SLC2A2: variants seen among roughly 807,000 people sequenced by gnomAD.
SLC2A2 encodes solute carrier family 2, facilitated glucose transporter member 2.
Under a neutral mutation model 54.5 loss-of-function variants are expected in SLC2A2, and 36 were observed. The ratio of observed to expected loss-of-function variants is 0.66; its 90% CI spans 0.51 to 0.87. SLC2A2 has a LOEUF of 0.87. Among genes scored for constraint, SLC2A2 ranks in the 40% least tolerant of loss-of-function variants. SLC2A2 has a pLI of 0.00. For missense variants in SLC2A2, 543 were observed against 624.3 expected, an observed-to-expected ratio of 0.87 and a Z score of 1.39; for synonymous variants, 223 against 219.1, an observed-to-expected ratio of 1.02 and a Z score of -0.16.
At position 171,005,282 on chromosome 3, in the gene SLC2A2, T is replaced by C; in HGVS notation, c.963+3A>G. 6.2e-7 allele frequency: 1 copy of C among 1,612,416 alleles called. No homozygotes were observed. Among genetic ancestry groups the C allele is most frequent in the Non-Finnish European group, 8.5e-7 (1 of 1,178,784 alleles). On this transcript the variant is annotated splice_donor_region_variant and intron_variant, in intron 7 of 10. Transcript: ENST00000314251. ...AAGAGTTAGTGGGTGTTCTTAAACT[T>C]ACGCCATTGATTCCGGAAAATTGCT... is the stretch of plus-strand genomic sequence containing the variant.
intron 1 of SLC2A2, among the ~76,000 whole-genome samples, chr3:171,024,898 C>G (rs1041932132): frequency 6.6e-6 from 1 of 152,004 alleles, no homozygotes; most frequent in African/African-American, 2.4e-5. Context: ...TAGGCAGTTC[C>G]TTGGTTATCA....
intron 3 of SLC2A2, among the ~76,000 whole-genome samples, chr3:171,012,282 C>G (rs956645094): frequency 1.3e-5 from 2 of 152,170 alleles, no homozygotes; most frequent in Non-Finnish European, 2.9e-5. Context: ...AGGAAAACGT[C>G]TTAGAGAACC....
chr3:171,018,468 A>T, intron 2 of SLC2A2, 63 bp downstream of exon 2: 1 of 1,119,490 alleles, frequency 8.9e-7, no homozygotes, highest in Non-Finnish European at 1.4e-6. Context: ...GTGTATGAGG[A>T]ACATATGATA....
intron 4 of SLC2A2, 76 bp from the exon 5 acceptor site, chr3:171,007,339 T>C (rs1334664573): frequency 1.2e-6 from 1 of 858,424 alleles, no homozygotes; most frequent in Non-Finnish European, 2.0e-6. Context: ...TTAAGTACAG[T>C]ATATATCTTG....
At chr3:171,012,434 C>T (rs900719640) in intron 3 of SLC2A2, among the ~76,000 whole-genome samples, 2 of 152,116 alleles carry the variant, frequency 1.3e-5, no homozygotes, top group Admixed American at 1.3e-4. Context: ...AGCTATGCAT[C>T]GCTTCCTTTA....
chr3:171,009,473 A>G (rs1385842608), intron 4 of SLC2A2, among the ~76,000 whole-genome samples: 7 of 151,984 alleles, frequency 4.6e-5, no homozygotes, highest in Admixed American at 4.6e-4. Context: ...AGATGGAGAC[A>G]TGGCAGCCAG....
intron 4 of SLC2A2, among the ~76,000 whole-genome samples, chr3:171,008,630 A>G (rs934032171): frequency 6.6e-6 from 1 of 152,074 alleles, no homozygotes; most frequent in Non-Finnish European, 1.5e-5. Flanking sequence ...TACCAAAAAC[A>G]TTTTGTATAT....
chr3:171,009,911 A>AGG lies in SLC2A2; in HGVS notation c.496+45_496+46dup, dbSNP rs774985551. ...TTTAGAGTTACTTTCAGACAAAGGT[A>AGG]GGTGTGTGTGTGTGTGTGTGTGTGT... On this transcript the variant is annotated intron_variant, in intron 4 of 10. Coordinates refer to ENST00000314251, the MANE Select transcript of SLC2A2 (RefSeq NM_000340.2). 1.4e-3 allele frequency: 1,829 copies of AGG among 1,274,508 alleles called. 19 individuals carry two copies. The African/African-American group carries it at 0.025, about 17-fold the overall frequency. 78.9% of individuals were successfully genotyped at this position (1,274,508 alleles called of 1,614,324 possible). A position where few individuals can be genotyped will look rare whatever the true frequency, so the allele number is the denominator to read the frequency against.
At chr3:171,010,770 T>C (rs1047423591) in intron 3 of SLC2A2, among the ~76,000 whole-genome samples, 1 of 152,140 alleles carries the variant, frequency 6.6e-6, no homozygotes, top group African/African-American at 2.4e-5. Context: ...TTCCAAAATC[T>C]ATAAATTATT....
In SLC2A2 at chr3:171,026,643, A is replaced by G; in HGVS notation, c.15+13T>C. ...TGAAAACCAGACTTGAAATGAATAT[A>G]ATGCTGCTTTACCTTATCTTCTGTC... On this transcript the variant is annotated intron_variant, in intron 1 of 10. Transcript: ENST00000314251. 1 of 1,611,232 alleles carries G rather than the reference A, an allele frequency of 6.2e-7. No individual in the cohort carries two copies. Among genetic ancestry groups the G allele is most frequent in the Non-Finnish European group, 8.5e-7 (1 of 1,177,326 alleles).
chr3:171,017,588 C>T (rs553960962), intron 2 of SLC2A2, among the ~76,000 whole-genome samples: 4 of 152,308 alleles, frequency 2.6e-5, no homozygotes, highest in African/African-American at 9.6e-5. Context: ...CCACCTCTTC[C>T]CCAGGTTCCT....
chr3:171,007,646 CA>C (rs1185967491), intron 4 of SLC2A2, among the ~76,000 whole-genome samples: 1 of 151,980 alleles, frequency 6.6e-6, no homozygotes, highest in African/African-American at 2.4e-5. Context: ...GAAATCAGAA[CA>C]TATCTCCACC....
chr3:171,002,475 A>C (rs1450592808), intron 8 of SLC2A2, 101 bp downstream of exon 8: 1 of 763,006 alleles, frequency 1.3e-6, no homozygotes, highest in African/African-American at 1.7e-5. Context: ...GAGCATGTGT[A>C]CAATAAGTCA....
At chr3:171,019,054 GAT>G (rs1338362719) in intron 1 of SLC2A2, among the ~76,000 whole-genome samples, 3 of 129,894 alleles carry the variant, frequency 2.3e-5, no homozygotes, top group African/African-American at 5.5e-5. Context: ...TATATTTGTT[GAT>G]ATGTGTGTGT....
intron 3 of SLC2A2, among the ~76,000 whole-genome samples, chr3:171,013,254 C>T (rs1012767965): frequency 6.6e-6 from 1 of 151,972 alleles, no homozygotes; most frequent in Non-Finnish European, 1.5e-5. Flanking sequence ...GAGAATTCTC[C>T]ATTTACTACT....
chr3:171,005,549 C>T (rs1342805655), intron 6 of SLC2A2, 77 bp from the exon 7 acceptor site: 1 of 1,205,050 alleles, frequency 8.3e-7, no homozygotes, highest in East Asian at 2.4e-5. Flanking sequence ...AATGAAAGAG[C>T]TACATTTCTG....
intron 8 of SLC2A2, among the ~76,000 whole-genome samples, chr3:171,000,098 T>G (rs931497961): frequency 1.3e-5 from 2 of 152,036 alleles, no homozygotes; most frequent in Admixed American, 1.3e-4. Context: ...TCCAATGTCT[T>G]TAGTATAGTG....
chr3:171,026,313 C>T (rs768317560), intron 1 of SLC2A2, among the ~76,000 whole-genome samples: 13 of 149,322 alleles, frequency 8.7e-5, no homozygotes, highest in Admixed American at 6.0e-4. Flanking sequence ...CCTGCATTGA[C>T]GTTTTTGAAG....
At chr3:171,013,810 G>GC (rs1715998100) in intron 3 of SLC2A2, among the ~76,000 whole-genome samples, 1 of 152,188 alleles carries the variant, frequency 6.6e-6, no homozygotes, top group African/African-American at 2.4e-5. Flanking sequence ...AATCCTAACA[G>GC]CTGTAGTCCA....
Sources: gnomAD v4.1 joint callset for allele counts (sites outside exome capture counted in the v4.1 genomes callset) on GRCh38, gnomAD v4.1.1 for gene constraint, MANE v1.5 for transcripts, NCBI Gene and HGNC (gene_info 2026-07-23, HGNC 2026-07-21) for gene names.